Variants in ATP6V0A2 observed in about 807,000 individuals in gnomAD.
ATP6V0A2 encodes the protein V-type proton ATPase 116 kDa subunit a 2.
In ATP6V0A2, 58 loss-of-function variants were observed where a neutral mutation model predicts 104.4. The observed-to-expected ratio is 0.56, with a 90% confidence interval of 0.45 to 0.69. ATP6V0A2 has a LOEUF of 0.69. Ranked by LOEUF, ATP6V0A2 falls within the 30% of genes least tolerant of loss-of-function variation. ATP6V0A2 has a pLI of 0.00. For synonymous variants in ATP6V0A2, 376 were observed against 397.9 expected (o/e 0.95, Z 0.65); for missense variants, 938 against 1,062.9 (o/e 0.88, Z 1.63).
In ATP6V0A2 at chr12:123,727,694, G is replaced by A. The variant is rs977894303; in HGVS notation, c.522-89G>A. 14 of 1,524,782 alleles carry A rather than the reference G, an allele frequency of 9.2e-6. No individual in the cohort carries two copies. In the Admixed American group the frequency reaches 2.3e-4, roughly 25 times the overall value. 94.5% of individuals were successfully genotyped at this position (1,524,782 alleles called of 1,614,324 possible). ...GGCTCTCAGGATGTCTTCACCACTT[G>A]GTAGAAATGAAGTCTTCATCATTCT... is the stretch of plus-strand genomic sequence containing the variant. On this transcript the variant is annotated intron_variant, in intron 5 of 19. Transcript: ENST00000330342.
intron 9 of ATP6V0A2, among the ~76,000 whole-genome samples, chr12:123,740,960 TA>T (rs1956603614): frequency 1.3e-5 from 2 of 152,294 alleles, no homozygotes; most frequent in East Asian, 1.9e-4. Flanking sequence ...ATTTTTTTTT[TA>T]ATTCTTTTAA....
intron 2 of ATP6V0A2, among the ~76,000 whole-genome samples, chr12:123,720,363 AT>A (rs1956387385): frequency 1.3e-5 from 2 of 152,224 alleles, no homozygotes; most frequent in Non-Finnish European, 2.9e-5. Context: ...GTGATAACAC[AT>A]TAGGTATATC....
At chr12:123,715,570 G>A (rs1956331628) in intron 1 of ATP6V0A2, among the ~76,000 whole-genome samples, 1 of 152,140 alleles carries the variant, frequency 6.6e-6, no homozygotes, top group Non-Finnish European at 1.5e-5. Flanking sequence ...AATCCTGGAT[G>A]GAATAAAGAT....
At chr12:123,720,754 C>T (rs966393586) in intron 2 of ATP6V0A2, among the ~76,000 whole-genome samples, 3 of 151,966 alleles carry the variant, frequency 2.0e-5, no homozygotes, top group Non-Finnish European at 4.4e-5. Flanking sequence ...GTACGCCAGG[C>T]ATGGTGGTGC....
intron 17 of ATP6V0A2, among the ~76,000 whole-genome samples, chr12:123,752,885 G>A (rs1956728636): frequency 6.6e-6 from 1 of 152,112 alleles, no homozygotes; most frequent in African/African-American, 2.4e-5. Flanking sequence ...TCTTTATATT[G>A]TGAAGTCAGT....
chr12:123,719,389 G>GTTT (rs111694566), intron 2 of ATP6V0A2, among the ~76,000 whole-genome samples: 3 of 139,650 alleles, frequency 2.1e-5, no homozygotes, highest in Non-Finnish European at 3.2e-5. Flanking sequence ...GACAAAGCTT[G>GTTT]TTTTTTTTTT....
At position 123,724,782 on chromosome 12, in the gene ATP6V0A2, C is replaced by T. The variant is rs1410310125; in HGVS notation, c.423C>T (p.Arg141=). 1 of 1,613,426 alleles carries T rather than the reference C, an allele frequency of 6.2e-7. No homozygotes were observed. The highest frequency in any genetic ancestry group is 1.3e-5 in the African/African-American group (1 of 74,972). The change falls in exon 4 of 20, where the codon CGC becomes CGT. Residue 141 remains arginine, a synonymous_variant. Coordinates refer to ENST00000330342, the MANE Select transcript of ATP6V0A2 (RefSeq NM_012463.4). ...MLRVTKTFVK[R]NVEFEPTYEE... is the part of the protein sequence containing the mutation. ...GAGTGACAAAGACCTTTGTGAAACG[C>T]AATGTTGAGGTACTGAACAGCTCGT...
chr12:123,722,951 A>G (rs1956414430), intron 3 of ATP6V0A2, among the ~76,000 whole-genome samples: 1 of 151,552 alleles, frequency 6.6e-6, no homozygotes, highest in African/African-American at 2.4e-5. Context: ...GCGTTCTGTC[A>G]CCCTGAGTTC....
intron 3 of ATP6V0A2, 59 bp from the exon 4 acceptor site, chr12:123,724,595 A>G: frequency 6.3e-7 from 1 of 1,579,582 alleles, no homozygotes. Flanking sequence ...CATGAAGATT[A>G]TTGGAATTAC....
rs760459265 is a variant in ATP6V0A2, at chr12:123,743,841, AC to A, written c.1101del (p.Thr368LeufsTer43). ...FMNIIPTKET[P>X]PTRIRTNKFT... is the part of the protein sequence containing the mutation. ...TGAATATAATCCCCACAAAAGAAAC[AC>A]CCCCCACTCGGATCCGCACCAACAA... On this transcript the variant is annotated frameshift_variant, in exon 10 of 20. Transcript: ENST00000330342. LOFTEE classifies it high-confidence loss of function. 12 of 1,613,360 alleles carry A rather than the reference AC, an allele frequency of 7.4e-6. No homozygotes were observed. Among genetic ancestry groups the A allele is most frequent in the Non-Finnish European group, 1.7e-6 (2 of 1,179,886 alleles).
chr12:123,724,785 T>C lies in ATP6V0A2; in HGVS notation c.426T>C (p.Asn142=), dbSNP rs1139789. The C allele has an allele frequency of 0.64, 1,035,336 of 1,609,970 alleles. 337,074 individuals carry two copies. Among genetic ancestry groups the C allele is most frequent in the East Asian group, 0.95 (42,746 of 44,808 alleles). The change falls in exon 4 of 20, where the codon AAT becomes AAC. Residue 142 remains asparagine (N), a synonymous_variant. Transcript: ENST00000330342. ...LRVTKTFVKR[N]VEFEPTYEEF... Reference sequence around the variant, plus strand: ...TGACAAAGACCTTTGTGAAACGCAATGTTGAGGTACTGAACAGCTCGTGAG... The same window carrying C: ...TGACAAAGACCTTTGTGAAACGCAACGTTGAGGTACTGAACAGCTCGTGAG...
intron 6 of ATP6V0A2, among the ~76,000 whole-genome samples, chr12:123,729,666 TA>T (rs1389057702): frequency 1.3e-5 from 2 of 152,178 alleles, no homozygotes; most frequent in African/African-American, 4.8e-5. Context: ...GCTGATCTAC[TA>T]AAGGTGGAAA....
intron 9 of ATP6V0A2, among the ~76,000 whole-genome samples, chr12:123,737,991 A>G (rs1193763843): frequency 6.6e-6 from 1 of 152,222 alleles, no homozygotes; most frequent in Non-Finnish European, 1.5e-5. Flanking sequence ...TAGCACTATG[A>G]TGTCAAATCT....
chr12:123,750,671 A>G (rs900771298), intron 15 of ATP6V0A2: 1 of 195,518 alleles, frequency 5.1e-6, no homozygotes. Context: ...CTCTTCCACG[A>G]TTTTCTGTGT....
chr12:123,728,029 A>T, intron 6 of ATP6V0A2, 120 bp downstream of exon 6: 1 of 1,316,438 alleles, frequency 7.6e-7, no homozygotes, highest in East Asian at 2.4e-5. Context: ...CTGATGCCTT[A>T]TCTCTTCAAC....
rs774541391 is a variant in ATP6V0A2 at position 123,748,654 on chromosome 12, ATAT to A, written c.1806_1808del (p.Phe603del). The A allele has an allele frequency of 1.9e-6, 3 of 1,614,000 alleles. No individual in the cohort carries two copies. In the East Asian group the frequency reaches 6.7e-5, roughly 36 times the overall value. ...CATGCTCTGTATCTTTGGATACCTT[ATAT>A]TTATGATTTTCTACAAGTGGCTGGT... is the stretch of plus-strand genomic sequence containing the variant. On this transcript the variant is annotated inframe_deletion, in exon 15 of 20. Coordinates refer to ENST00000330342, the MANE Select transcript of ATP6V0A2 (RefSeq NM_012463.4).
intron 8 of ATP6V0A2, among the ~76,000 whole-genome samples, chr12:123,736,692 A>G (rs1413662614): frequency 6.6e-6 from 1 of 152,144 alleles, no homozygotes; most frequent in African/African-American, 2.4e-5. Flanking sequence ...CAGGGTTGAC[A>G]GGGGTGAGGC....
rs1956784839 is a variant in ATP6V0A2 at position 123,758,545 on chromosome 12, A to G, written c.*513A>G. ...GTACTTTTTTTTTTTTTTTGAGATGAAGTCTTGCTGTGTCACGTAGGCTGG... is the reference window on the plus strand; with the variant it reads ...GTACTTTTTTTTTTTTTTTGAGATGGAGTCTTGCTGTGTCACGTAGGCTGG... On this transcript the variant is annotated 3_prime_UTR_variant, in exon 20 of 20. Coordinates refer to ENST00000330342, the MANE Select transcript of ATP6V0A2 (RefSeq NM_012463.4). 1 of 147,550 alleles carries G rather than the reference A, an allele frequency of 6.8e-6. No homozygotes were observed. The highest frequency in any genetic ancestry group is 1.5e-5 in the Non-Finnish European group (1 of 67,550). The allele number at this position is 147,550 out of a possible 1,614,324, so 9.1% of individuals were successfully genotyped here.
At chr12:123,734,878 A>C (rs1483147760) in intron 7 of ATP6V0A2, among the ~76,000 whole-genome samples, 2 of 152,246 alleles carry the variant, frequency 1.3e-5, no homozygotes, top group African/African-American at 4.8e-5. Flanking sequence ...TTAAAAAACT[A>C]TACCCAGCTC....
Sources: allele counts gnomAD v4.1 joint callset (sites outside exome capture counted in the v4.1 genomes callset), GRCh38; gene constraint gnomAD v4.1.1; transcripts MANE v1.5; gene names NCBI Gene and HGNC (gene_info 2026-07-23, HGNC 2026-07-21).